MUC5AC: variants seen among roughly 807,000 people sequenced by gnomAD.
MUC5AC encodes the protein mucin 5AC, oligomeric mucus/gel-forming.
In MUC5AC, 158 loss-of-function variants were observed where a neutral mutation model predicts 169.7. The ratio of observed to expected loss-of-function variants is 0.93; its 90% CI spans 0.82 to 1.06. The LOEUF (loss-of-function observed/expected upper bound fraction) is 1.06. Among genes scored for constraint, MUC5AC ranks in the 50% least tolerant of loss-of-function variants. The pLI, the probability that MUC5AC is intolerant of heterozygous loss-of-function variation, is 0.00. For missense variants in MUC5AC, 4,359 were observed against 3,089.9 expected (o/e 1.41, Z -9.74); for synonymous variants, 1,975 against 1,237.0 (o/e 1.60, Z -12.52).
intron 45 of MUC5AC, 57 bp downstream of exon 45, chr11:1,199,242 G>T (rs1299382384): frequency 2.8e-6 from 2 of 718,858 alleles, no homozygotes; most frequent in East Asian, 2.6e-5. Context: ...TGGGGCATGT[G>T]GGGACCTGTC....
rs550585257 is a variant in MUC5AC, at chr11:1,164,542, C to T, written c.1129+10C>T. 17 of 1,599,554 alleles carry T rather than the reference C, an allele frequency of 1.1e-5. No individual in the cohort carries two copies. In the East Asian group the frequency reaches 3.1e-4, roughly 29 times the overall value. ...TGCTTCTGCCCTGAGGGTGAGGCTCCCCCGCCCCTGGGAAACACAGGTGCA... is the reference window on the plus strand; with the variant it reads ...TGCTTCTGCCCTGAGGGTGAGGCTCTCCCGCCCCTGGGAAACACAGGTGCA... On this transcript the variant is annotated intron_variant, in intron 9 of 48. Transcript: ENST00000621226.
Position 1,200,927 on chromosome 11 carries a change from G to A in MUC5AC, c.*225G>A. ...AGCCACCTCTCAGGACCAGCCCCGGGGCTGGCCGAGCTCCTCTGGCCATGC... is the reference window on the plus strand; with the variant it reads ...AGCCACCTCTCAGGACCAGCCCCGGAGCTGGCCGAGCTCCTCTGGCCATGC... On this transcript the variant is annotated 3_prime_UTR_variant, in exon 49 of 49. Coordinates refer to ENST00000621226, the MANE Select transcript of MUC5AC (RefSeq NM_001304359.2). 2.3e-6 allele frequency: 1 copy of A among 430,506 alleles called. No individual in the cohort carries two copies. The highest frequency in any genetic ancestry group is 3.4e-5 in the East Asian group (1 of 28,988). 26.7% of individuals were successfully genotyped at this position (430,506 alleles called of 1,614,324 possible). A position where few individuals can be genotyped will look rare whatever the true frequency, so the allele number is the denominator to read the frequency against.
In MUC5AC at chr11:1,179,257, G is replaced by A. The variant is rs1033811624; in HGVS notation, c.3484+9G>A. 9 of 555,672 alleles carry A rather than the reference G, an allele frequency of 1.6e-5. No homozygotes were observed. The highest frequency in any genetic ancestry group is 8.9e-5 in the East Asian group (3 of 33,892). The allele number at this position is 555,672 out of a possible 1,614,324, so 34.4% of individuals were successfully genotyped here. ...GACCCCGAGCATCTGCCGTGAGTGC[G>A]AGTGGGCACCTGGGGAAGAACAGGA... On this transcript the variant is annotated intron_variant, in intron 26 of 48. Coordinates refer to ENST00000621226, the MANE Select transcript of MUC5AC (RefSeq NM_001304359.2).
In MUC5AC at chr11:1,193,564, C is replaced by A. The variant is rs185222104; in HGVS notation, c.14660C>A (p.Thr4887Lys). ...AACGTCATCTCCCTGCGCCCGCGCA[C>A]GTGCCCGAGGGTGGAGAAGCCCACT... ...GNNVISLRPR[T>K]CPRVEKPTCA... Residue 4887 changes from threonine (T) to lysine (K), a missense_variant, in exon 33 of 49, where the codon ACG (threonine) becomes AAG (lysine). Physicochemically the swap from Thr to Lys is moderately conservative, Grantham distance 78. Coordinates refer to ENST00000621226, the MANE Select transcript of MUC5AC (RefSeq NM_001304359.2). 3.9e-6 allele frequency: 3 copies of A among 764,750 alleles called. No homozygotes were observed. The South Asian group carries it at 4.0e-5, about 10-fold the overall frequency. 47.4% of individuals were successfully genotyped at this position (764,750 alleles called of 1,614,324 possible).
chr11:1,200,252 G>A (rs1455430518), intron 48 of MUC5AC, among the ~76,000 whole-genome samples, 186 bp from the exon 49 acceptor site: 4 of 152,260 alleles, frequency 2.6e-5, no homozygotes, highest in East Asian at 1.9e-4. Context: ...CACGGAGCCG[G>A]GGTCGGCCCT....
intron 15 of MUC5AC, among the ~76,000 whole-genome samples, chr11:1,170,351 C>T (rs1860467791): frequency 7.2e-6 from 1 of 138,314 alleles, no homozygotes; most frequent in Non-Finnish European, 1.6e-5. Context: ...CACCCATTTG[C>T]CCACTCACTC....
At position 1,185,447 on chromosome 11, in the gene MUC5AC, C is replaced by T. The variant is rs1860914757; in HGVS notation, c.7302C>T (p.Thr2434=). The change falls in exon 31 of 49, where the codon ACC becomes ACT. Residue 2434 remains threonine, a synonymous_variant. Coordinates refer to ENST00000621226, the MANE Select transcript of MUC5AC (RefSeq NM_001304359.2). The stretch of plus-strand genomic sequence containing the variant: ...GCAGCACAACCTCCAGTCCACAGAC[C>T]AGCACAACCTCGGCTCCTACAACCA... ...PTSSTTSSPQ[T]STTSAPTTST... 5.5e-6 allele frequency: 4 copies of T among 729,312 alleles called. No individual in the cohort carries two copies. The highest frequency in any genetic ancestry group is 1.4e-5 in the South Asian group (1 of 70,144). The allele number at this position is 729,312 out of a possible 1,614,324, so 45.2% of individuals were successfully genotyped here. A position where few individuals can be genotyped will look rare whatever the true frequency, so the allele number is the denominator to read the frequency against.
chr11:1,196,226 T>G (rs1861266799), intron 37 of MUC5AC, among the ~76,000 whole-genome samples, 162 bp from the exon 38 acceptor site: 1 of 152,126 alleles, frequency 6.6e-6, no homozygotes. Context: ...CGTCCACGTC[T>G]GGGAGCCCGT....
chr11:1,168,939 G>C lies in MUC5AC; in HGVS notation c.1783G>C (p.Ala595Pro), dbSNP rs56095588. 1.1e-5 allele frequency: 17 copies of C among 1,611,622 alleles called. No homozygotes were observed. In the East Asian group the frequency reaches 3.8e-4, roughly 36 times the overall value. ...LSGVVEATAA[A>P]FFNTFKTQAA... ...TGGGGTGGTGGAGGCCACCGCTGCG[G>C]CCTTCTTCAACACCTTCAAGACCCA... Residue 595 changes from alanine (A) to proline (P), a missense_variant, in exon 15 of 49, where the codon GCC (alanine) becomes CCC (proline). Ala to Pro is a conservative substitution (Grantham distance 27). Transcript: ENST00000621226.
rs892012382 is a variant in MUC5AC at position 1,172,485 on chromosome 11, C to T, written c.1927C>T (p.Arg643Trp). The stretch of plus-strand genomic sequence containing the variant: ...GACCGATGCCGACGGCCCCTTCGGC[C>T]GGTGCCATGCTGCCGTGAAGCCGGG... ...QLTDADGPFG[R>W]CHAAVKPGTY... Residue 643 changes from arginine to tryptophan, a missense_variant, in exon 16 of 49, where the codon CGG becomes TGG. Arg to Trp is a moderately radical substitution (Grantham distance 101). Coordinates refer to ENST00000621226, the MANE Select transcript of MUC5AC (RefSeq NM_001304359.2). The T allele has an allele frequency of 2.8e-5, 11 of 398,538 alleles. No individual in the cohort carries two copies. Among genetic ancestry groups the T allele is most frequent in the South Asian group, 2.5e-4 (2 of 7,862 alleles). The allele number at this position is 398,538 out of a possible 1,614,324, so 24.7% of individuals were successfully genotyped here.
chr11:1,161,815 C>T lies in MUC5AC; in HGVS notation c.212-92C>T, dbSNP rs905531194. 10 of 1,501,228 alleles carry T rather than the reference C, an allele frequency of 6.7e-6. No individual in the cohort carries two copies. The African/African-American group carries it at 1.2e-4, about 19-fold the overall frequency. 93.0% of individuals were successfully genotyped at this position (1,501,228 alleles called of 1,614,324 possible). On this transcript the variant is annotated intron_variant, in intron 3 of 48. Transcript: ENST00000621226. The stretch of plus-strand genomic sequence containing the variant: ...GGGCAGCAGCACTTCCTGCAGGACC[C>T]TGGGGAGGGGCAGGAGGTACAGGGC...
Position 1,194,993 on chromosome 11 carries a change from C to A in MUC5AC, c.15191-19C>A. 1.4e-6 allele frequency: 1 copy of A among 712,308 alleles called. No individual in the cohort carries two copies. The highest frequency in any genetic ancestry group is 2.6e-6 in the Non-Finnish European group (1 of 388,376). 44.1% of individuals were successfully genotyped at this position (712,308 alleles called of 1,614,324 possible). On this transcript the variant is annotated intron_variant, in intron 35 of 48. Coordinates refer to ENST00000621226, the MANE Select transcript of MUC5AC (RefSeq NM_001304359.2). The stretch of plus-strand genomic sequence containing the variant: ...CGGCTCTGCTGTCCAGCAGCCTGAC[C>A]CCCACCGCGTCTGCCCAGGCACTTG...
intron 15 of MUC5AC, among the ~76,000 whole-genome samples, chr11:1,170,246 T>C (rs1191035183): frequency 1.1e-3 from 24 of 22,450 alleles, no homozygotes; most frequent in Middle Eastern, 0.038. Context: ...CACTCACCCA[T>C]TCACCCATTC....
At chr11:1,197,036 G>A in intron 40 of MUC5AC, 128 bp downstream of exon 40, 1 of 644,484 alleles carries the variant, frequency 1.6e-6, no homozygotes, top group Non-Finnish European at 2.8e-6. Flanking sequence ...TGTGTCAGAG[G>A]CCCAGAGAAA....
chr11:1,159,025 G>T (rs1860046515), intron 1 of MUC5AC, among the ~76,000 whole-genome samples: 1 of 152,210 alleles, frequency 6.6e-6, no homozygotes, highest in South Asian at 2.1e-4. Flanking sequence ...AGAGGGCGGA[G>T]CTGGGGCTGG....
rs920747615 is a variant in MUC5AC, at chr11:1,174,167, G to A, written c.1966-329G>A. Among the ~76,000 whole-genome samples the A allele has an allele frequency of 2.4e-3, 369 of 152,366 alleles. 2 individuals carry two copies. The highest frequency in any genetic ancestry group is 8.7e-3 in the African/African-American group (362 of 41,594). ...ACTTCAGGGGTTTGTTGCCCACCTGGCCCCAGGGGCCAAATGAGAATTAGG... is the reference window on the plus strand; with the variant it reads ...ACTTCAGGGGTTTGTTGCCCACCTGACCCCAGGGGCCAAATGAGAATTAGG... On this transcript the variant is annotated intron_variant, in intron 16 of 48. Coordinates refer to ENST00000621226, the MANE Select transcript of MUC5AC (RefSeq NM_001304359.2).
rs1340283293 is a variant in MUC5AC, at chr11:1,196,649, G to C, written c.15758G>C (p.Gly5253Ala). The C allele has an allele frequency of 2.6e-6, 2 of 762,832 alleles. No individual in the cohort carries two copies. The highest frequency in any genetic ancestry group is 4.8e-6 in the Non-Finnish European group (2 of 416,968). 47.3% of individuals were successfully genotyped at this position (762,832 alleles called of 1,614,324 possible). A position where few individuals can be genotyped will look rare whatever the true frequency, so the allele number is the denominator to read the frequency against. Residue 5253 changes from glycine to alanine, a missense_variant, in exon 39 of 49, where the codon GGC becomes GCC. Physicochemically the swap from Gly to Ala is moderately conservative, Grantham distance 60. Coordinates refer to ENST00000621226, the MANE Select transcript of MUC5AC (RefSeq NM_001304359.2). ...CCGGAGGCCGGCCCCATCACCGAAG[G>C]CTGCTTCTGTCCGGAGGGCATGACC... is the stretch of plus-strand genomic sequence containing the variant. ...ALPEAGPITE[G>A]CFCPEGMTLF... is the part of the protein sequence containing the mutation.
Position 1,161,589 on chromosome 11 carries a change from G to A in MUC5AC, c.211+3G>A. ...GAGGACCATCCCTGTGGTACGAGGT[G>A]AGTGGAGCCCGGAGGCCTGGGTGGG... On this transcript the variant is annotated splice_donor_region_variant and intron_variant, in intron 3 of 48. Coordinates refer to ENST00000621226, the MANE Select transcript of MUC5AC (RefSeq NM_001304359.2). 1 of 1,609,384 alleles carries A rather than the reference G, an allele frequency of 6.2e-7. No homozygotes were observed.
Position 1,190,555 on chromosome 11 carries a change from C to A in MUC5AC, c.12410C>A (p.Thr4137Lys), listed in dbSNP as rs1449827908. 152 of 695,018 alleles carry A rather than the reference C, an allele frequency of 2.2e-4. 4 individuals are homozygous for A. In the East Asian group the frequency reaches 3.9e-3, roughly 18 times the overall value. The allele number at this position is 695,018 out of a possible 1,614,324, so 43.1% of individuals were successfully genotyped here. A position where few individuals can be genotyped will look rare whatever the true frequency, so the allele number is the denominator to read the frequency against. Residue 4137 changes from threonine to lysine, a missense_variant, in exon 31 of 49, where the codon ACG (threonine) becomes AAG (lysine). Transcript: ENST00000621226. ...ACAACCTCTGCCCCTACAACCAGCA[C>A]GACCTCAGCTCCTACACACAGAACG... ...TSTTSAPTTS[T>K]TSAPTHRTTS...
Sources: allele counts gnomAD v4.1 joint callset (sites outside exome capture counted in the v4.1 genomes callset), GRCh38; gene constraint gnomAD v4.1.1; transcripts MANE v1.5; gene names NCBI Gene and HGNC (gene_info 2026-07-23, HGNC 2026-07-21).